The following NBEA variants were observed in gnomAD, a reference collection of about 807,000 sequenced individuals.
The protein encoded by NBEA is neurobeachin.
A neutral mutation model predicts 343.4 loss-of-function variants in NBEA; 44 were observed. The ratio of observed to expected loss-of-function variants is 0.13; its 90% CI spans 0.10 to 0.16. The LOEUF (loss-of-function observed/expected upper bound fraction) is 0.16. Ranked by LOEUF, NBEA falls within the 10% of genes least tolerant of loss-of-function variation. The probability of loss-of-function intolerance (pLI) is 1.00; values close to 1 mark genes in which losing one functional copy is unlikely to be tolerated. For synonymous variants in NBEA, 1,175 were observed against 1,238.7 expected (o/e 0.95, Z 1.08); for missense variants, 2,555 against 3,631.3 (o/e 0.70, Z 7.62).
rs200879205 is a variant in NBEA, at chr13:35,161,776, A to G, written c.3888A>G (p.Gln1296=). Residue 1296 remains glutamine (Q), a synonymous_variant, in exon 23 of 59, where the codon CAA becomes CAG. Coordinates refer to ENST00000379939, the MANE Select transcript of NBEA (RefSeq NM_001385012.1). ...CTGTGCAGGGTCGGTCTATCACCCA[A>G]CAAGACCGAGATCTCCGAGTTGATT... is the stretch of plus-strand genomic sequence containing the variant. ...TQAVQGRSIT[Q]QDRDLRVDLG... 1.5e-4 allele frequency: 235 copies of G among 1,611,682 alleles called. 1 individual carries two copies. In the African/African-American group the frequency reaches 2.9e-3, roughly 20 times the overall value.
At chr13:35,032,276 A>G (rs1205646157) in intron 1 of NBEA, among the ~76,000 whole-genome samples, 1 of 151,870 alleles carries the variant, frequency 6.6e-6, no homozygotes, top group Non-Finnish European at 1.5e-5. Flanking sequence ...AACAGCACAT[A>G]AGTGTTCCCC....
At chr13:35,509,697 A>T (rs930107330) in intron 41 of NBEA, among the ~76,000 whole-genome samples, 1 of 152,158 alleles carries the variant, frequency 6.6e-6, no homozygotes, top group African/African-American at 2.4e-5. Context: ...GCATTTAAAG[A>T]ATAGATAGAG....
intron 10 of NBEA, among the ~76,000 whole-genome samples, chr13:35,090,047 A>C (rs1485790432): frequency 6.7e-6 from 1 of 150,264 alleles, no homozygotes; most frequent in African/African-American, 2.5e-5. Flanking sequence ...GTACCCTAAA[A>C]CTTAAAGTAT....
chr13:35,591,670 T>C (rs753050854), intron 46 of NBEA, among the ~76,000 whole-genome samples: 11 of 152,102 alleles, frequency 7.2e-5, no homozygotes, highest in Non-Finnish European at 1.5e-4. Flanking sequence ...CTGGCCATAC[T>C]AAATTTCAGG....
intron 34 of NBEA, among the ~76,000 whole-genome samples, chr13:35,275,389 A>G (rs2034507930): frequency 1.3e-5 from 2 of 152,284 alleles, no homozygotes; most frequent in South Asian, 4.1e-4. Flanking sequence ...AAGACCTAAC[A>G]CCATAAAAAC....
intron 18 of NBEA, among the ~76,000 whole-genome samples, chr13:35,155,294 A>T (rs762029381): frequency 6.6e-6 from 1 of 152,078 alleles, no homozygotes; most frequent in Non-Finnish European, 1.5e-5. Flanking sequence ...GTGAATACAG[A>T]GTTAAAGAGT....
At chr13:35,134,662 TTTG>T (rs2067621463) in intron 17 of NBEA, among the ~76,000 whole-genome samples, 1 of 151,996 alleles carries the variant, frequency 6.6e-6, no homozygotes. Flanking sequence ...TTAGAAGAAC[TTTG>T]TACTTATATT....
At chr13:35,435,233 G>A (rs1387290366) in intron 39 of NBEA, among the ~76,000 whole-genome samples, 1 of 151,954 alleles carries the variant, frequency 6.6e-6, no homozygotes, top group Non-Finnish European at 1.5e-5. Context: ...GGCTGGTCTC[G>A]AACTCCTGAC....
intron 31 of NBEA, among the ~76,000 whole-genome samples, chr13:35,199,614 G>C (rs372752421): frequency 6.6e-6 from 1 of 151,924 alleles, no homozygotes; most frequent in Admixed American, 6.6e-5. Context: ...ACTTATCCTG[G>C]ATTTTAAATT....
At chr13:35,602,866 T>C (rs2082116218) in intron 47 of NBEA, among the ~76,000 whole-genome samples, 1 of 152,182 alleles carries the variant, frequency 6.6e-6, no homozygotes, top group African/African-American at 2.4e-5. Context: ...TTCTAGGCCT[T>C]CCTTGTTCTT....
chr13:35,668,323 T>C, intron 57 of NBEA, 45 bp from the exon 58 acceptor site: 1 of 1,531,102 alleles, frequency 6.5e-7, no homozygotes, highest in East Asian at 2.5e-5. Flanking sequence ...GTGTATTTTA[T>C]TTTATTTTGT....
intron 41 of NBEA, among the ~76,000 whole-genome samples, chr13:35,513,772 T>G (rs1479498391): frequency 6.6e-6 from 1 of 152,130 alleles, no homozygotes; most frequent in Non-Finnish European, 1.5e-5. Context: ...GACAAAGTAT[T>G]GGAAAATAAT....
intron 53 of NBEA, among the ~76,000 whole-genome samples, chr13:35,654,303 C>T (rs1204761800): frequency 1.3e-5 from 2 of 152,158 alleles, no homozygotes; most frequent in South Asian, 2.1e-4. Context: ...CTGGAAAGGC[C>T]TTCTGTCTGT....
intron 10 of NBEA, among the ~76,000 whole-genome samples, chr13:35,080,841 T>A (rs996770761): frequency 1.3e-5 from 2 of 152,112 alleles, no homozygotes; most frequent in African/African-American, 4.8e-5. Flanking sequence ...TACTGCCAAA[T>A]ATTTTTACAG....
intron 2 of NBEA, among the ~76,000 whole-genome samples, chr13:35,042,132 AAG>A (rs1297006572): frequency 6.6e-6 from 1 of 152,054 alleles, no homozygotes; most frequent in African/African-American, 2.4e-5. Context: ...TGGCTTAAAA[AAG>A]AATGCAGAAT....
At chr13:35,035,274 G>A (rs1240592967) in intron 1 of NBEA, among the ~76,000 whole-genome samples, 5 of 151,610 alleles carry the variant, frequency 3.3e-5, no homozygotes, top group Admixed American at 1.3e-4. Flanking sequence ...TCATTGACCC[G>A]CTTGTCATTC....
chr13:35,238,216 G>A (rs1213047633), intron 34 of NBEA, among the ~76,000 whole-genome samples: 6 of 152,108 alleles, frequency 3.9e-5, no homozygotes, highest in Non-Finnish European at 1.5e-5. Flanking sequence ...TGTTCTATTG[G>A]GAGCTCACAG....
intron 36 of NBEA, among the ~76,000 whole-genome samples, chr13:35,328,599 T>G (rs1041943205): frequency 1.3e-5 from 2 of 152,030 alleles, no homozygotes; most frequent in Non-Finnish European, 2.9e-5. Context: ...GATCAAAATG[T>G]CTCATGCACC....
intron 36 of NBEA, among the ~76,000 whole-genome samples, chr13:35,315,192 A>C (rs1424676284): frequency 6.6e-6 from 1 of 152,178 alleles, no homozygotes; most frequent in Non-Finnish European, 1.5e-5. Context: ...AAAAATCTTT[A>C]AGTAGAAATT....
Sources: allele counts gnomAD v4.1 joint callset (sites outside exome capture counted in the v4.1 genomes callset), GRCh38; gene constraint gnomAD v4.1.1; transcripts MANE v1.5; gene names NCBI Gene and HGNC (gene_info 2026-07-23, HGNC 2026-07-21).